SSBP3: variants seen among roughly 807,000 people sequenced by gnomAD.
The protein encoded by SSBP3 is single-stranded DNA-binding protein 3.
In SSBP3, 5 loss-of-function variants were observed where a neutral mutation model predicts 69.6. That is an observed-to-expected ratio of 0.07 (90% CI 0.04 to 0.15). The LOEUF (loss-of-function observed/expected upper bound fraction) is 0.15, where lower values mean the gene tolerates loss of function less well. Among genes scored for constraint, SSBP3 ranks in the 10% least tolerant of loss-of-function variants. The probability of loss-of-function intolerance (pLI) is 1.00; values close to 1 mark genes in which losing one functional copy is unlikely to be tolerated. For synonymous variants in SSBP3, 196 were observed against 193.4 expected (o/e 1.01, Z -0.11); for missense variants, 312 against 534.0 (o/e 0.58, Z 4.10).
At chr1:54,319,427 T>C (rs553209500) in intron 4 of SSBP3, among the ~76,000 whole-genome samples, 31 of 152,158 alleles carry the variant, frequency 2.0e-4, no homozygotes, top group African/African-American at 7.5e-4. Context: ...CCTGGCACTA[T>C]GTAGGTACAT....
intron 7 of SSBP3, among the ~76,000 whole-genome samples, chr1:54,252,527 TGGCCACTAGGAGAGGGAC>T (rs1557462958): frequency 1.6e-3 from 43 of 26,410 alleles, no homozygotes; most frequent in Non-Finnish European, 2.5e-3. Context: ...GCGGGACAGG[TGGCCACTAGGAGAGGGAC>T]AGGTGGCCAC....
chr1:54,277,420 G>A (rs1264867743), intron 5 of SSBP3, among the ~76,000 whole-genome samples: 1 of 152,116 alleles, frequency 6.6e-6, no homozygotes, highest in East Asian at 1.9e-4. Flanking sequence ...CCCTGCTTCC[G>A]CCATCCAATC....
At chr1:54,388,515 T>C (rs1648248797) in intron 4 of SSBP3, among the ~76,000 whole-genome samples, 1 of 152,230 alleles carries the variant, frequency 6.6e-6, no homozygotes, top group Non-Finnish European at 1.5e-5. Flanking sequence ...GTCCCCATGC[T>C]ACAAATTAGG....
chr1:54,346,327 A>G (rs1359920272), intron 4 of SSBP3, among the ~76,000 whole-genome samples: 1 of 145,516 alleles, frequency 6.9e-6, no homozygotes, highest in Non-Finnish European at 1.5e-5. Context: ...TCCATCTCCA[A>G]AAAAAAAAAA....
At chr1:54,293,136 G>A (rs1386208421) in intron 4 of SSBP3, among the ~76,000 whole-genome samples, 2 of 152,098 alleles carry the variant, frequency 1.3e-5, no homozygotes, top group African/African-American at 2.4e-5. Context: ...AGGGCAAGGC[G>A]GGGCTGCCAC....
chr1:54,405,916 G>T, intron 1 of SSBP3, 37 bp downstream of exon 1: 1 of 1,072,516 alleles, frequency 9.3e-7, no homozygotes, highest in Non-Finnish European at 1.2e-6. Flanking sequence ...CCGCAGCCCG[G>T]CGGCGGCGCG....
chr1:54,409,672 G>C (rs906022721), upstream of SSBP3, among the ~76,000 whole-genome samples: 2 of 152,126 alleles, frequency 1.3e-5, no homozygotes, highest in African/African-American at 4.8e-5. Context: ...TTTCCAGAAT[G>C]GCTATGCCAT....
At chr1:54,291,670 C>CA (rs1233878917) in intron 4 of SSBP3, among the ~76,000 whole-genome samples, 2 of 152,228 alleles carry the variant, frequency 1.3e-5, no homozygotes, top group Non-Finnish European at 2.9e-5. Context: ...AACGATTCAT[C>CA]AGAGTCATTA....
At chr1:54,268,076 C>T (rs1011802633) in intron 5 of SSBP3, among the ~76,000 whole-genome samples, 5 of 152,192 alleles carry the variant, frequency 3.3e-5, no homozygotes, top group Non-Finnish European at 4.4e-5. Flanking sequence ...AATCCTGTGC[C>T]CCACGGGGAG....
At chr1:54,325,538 CCAAG>C in intron 4 of SSBP3, 1 of 166,834 alleles carries the variant, frequency 6.0e-6, no homozygotes. Flanking sequence ...ATCAGCCCTC[CCAAG>C]ATGAAATACT....
At chr1:54,354,935 G>C (rs1646840004) in intron 4 of SSBP3, among the ~76,000 whole-genome samples, 1 of 152,176 alleles carries the variant, frequency 6.6e-6, no homozygotes, top group African/African-American at 2.4e-5. Context: ...AAAAGAGAAA[G>C]GTGAATGAAA....
chr1:54,240,047 GGT>G (rs71066910), intron 13 of SSBP3, among the ~76,000 whole-genome samples: 88 of 77,796 alleles, frequency 1.1e-3, no homozygotes, highest in South Asian at 5.2e-3. Context: ...ATTGTGATGG[GGT>G]GTGTGTGTGT....
chr1:54,263,901 T>G (rs1365246186), intron 5 of SSBP3, among the ~76,000 whole-genome samples: 1 of 152,210 alleles, frequency 6.6e-6, no homozygotes, highest in Non-Finnish European at 1.5e-5. Context: ...GAAAAGTTAG[T>G]ACCAAAAGGG....
At chr1:54,407,062 G>A (rs888360888), upstream of SSBP3, among the ~76,000 whole-genome samples, 4 of 152,080 alleles carry the variant, frequency 2.6e-5, no homozygotes, top group Non-Finnish European at 5.9e-5. Flanking sequence ...GCCGAGGCGC[G>A]CGGCTGCTCC....
In SSBP3 at chr1:54,364,813, C is replaced by T. The variant is rs566809154; in HGVS notation, c.276+37048G>A. 3.9e-5 allele frequency among the ~76,000 whole-genome samples: 6 copies of T among 152,314 alleles called. 1 individual carries two copies. Among genetic ancestry groups the T allele is most frequent in the African/African-American group, 1.4e-4 (6 of 41,562 alleles). On this transcript the variant is annotated intron_variant, in intron 4 of 17. Transcript: ENST00000610401. ...GCAATGATGGTGAACTTGGCAGTAT[C>T]GAACCCAAACAGCCTTTCTCTCCCC...
chr1:54,279,540 G>A (rs143040689), intron 5 of SSBP3, among the ~76,000 whole-genome samples: 8 of 152,284 alleles, frequency 5.3e-5, no homozygotes, highest in African/African-American at 9.6e-5. Context: ...AATCTGCACC[G>A]GACACCCAGA....
intron 4 of SSBP3, chr1:54,335,940 G>A (rs911558761): frequency 6.6e-6 from 1 of 152,294 alleles, no homozygotes; most frequent in Admixed American, 6.5e-5. Flanking sequence ...AAGAGCAGGA[G>A]CCAAGATGAT....
intron 4 of SSBP3, among the ~76,000 whole-genome samples, chr1:54,296,669 A>T (rs1645709106): frequency 6.6e-6 from 1 of 152,150 alleles, no homozygotes; most frequent in Admixed American, 6.5e-5. Context: ...GCCTCACACG[A>T]CTTGTGAGGG....
At chr1:54,395,020 T>G (rs897730457) in intron 4 of SSBP3, among the ~76,000 whole-genome samples, 2 of 152,028 alleles carry the variant, frequency 1.3e-5, no homozygotes, top group African/African-American at 4.8e-5. Context: ...CTTTTTTTTT[T>G]TTTATTGTAT....
Sources: allele counts gnomAD v4.1 joint callset (sites outside exome capture counted in the v4.1 genomes callset), GRCh38; gene constraint gnomAD v4.1.1; transcripts MANE v1.5; gene names NCBI Gene and HGNC (gene_info 2026-07-23, HGNC 2026-07-21).